The following EYA2 variants were observed in gnomAD, a reference collection of about 807,000 sequenced individuals.
EYA2 encodes protein phosphatase EYA2.
In EYA2, 31 loss-of-function variants were observed where a neutral mutation model predicts 69.2. The observed-to-expected ratio is 0.45, with a 90% confidence interval of 0.34 to 0.60. EYA2 has a LOEUF of 0.60. Ranked by LOEUF, EYA2 falls within the 20% of genes least tolerant of loss-of-function variation. The pLI is 0.02. For synonymous variants in EYA2, 257 were observed against 279.4 expected, an observed-to-expected ratio of 0.92 and a Z score of 0.80; for missense variants, 622 against 701.2, an observed-to-expected ratio of 0.89 and a Z score of 1.28.
rs567421999 is a variant in EYA2 at position 46,960,776 on chromosome 20, C to T, written c.-10-29225C>T. Among the ~76,000 whole-genome samples the T allele has an allele frequency of 3.9e-4, 60 of 152,328 alleles. No individual in the cohort carries two copies. The South Asian group carries it at 9.1e-3, about 23-fold the overall frequency. ...GACCCACAAAGCCTGAAATCTTCAC[C>T]GTCTGGCCGTTTACAGTAAATCTTT... On this transcript the variant is annotated intron_variant, in intron 1 of 15. Coordinates refer to ENST00000327619, the MANE Select transcript of EYA2 (RefSeq NM_005244.5).
At chr20:47,041,186 A>G (rs1359288897) in intron 5 of EYA2, among the ~76,000 whole-genome samples, 1 of 152,206 alleles carries the variant, frequency 6.6e-6, no homozygotes, top group Non-Finnish European at 1.5e-5. Context: ...TCTGTTCTCT[A>G]GTGTTTAAAG....
chr20:47,042,104 C>T lies in EYA2; in HGVS notation c.415+25807C>T, dbSNP rs561829664. On this transcript the variant is annotated intron_variant, in intron 5 of 15. Transcript: ENST00000327619. The stretch of plus-strand genomic sequence containing the variant: ...GAGTGTGAAAGATGTTCTCCTTAAC[C>T]CAGGAATAATTAATACTAATGTAAT... Among the ~76,000 whole-genome samples the T allele has an allele frequency of 5.9e-5, 9 of 152,198 alleles. No homozygotes were observed. In the East Asian group the frequency reaches 1.7e-3, roughly 29 times the overall value.
At chr20:47,131,118 G>GT (rs2033332251) in intron 9 of EYA2, among the ~76,000 whole-genome samples, 2 of 152,076 alleles carry the variant, frequency 1.3e-5, no homozygotes, top group African/African-American at 4.8e-5. Flanking sequence ...AATACTCTAT[G>GT]TTTACTTCTA....
At chr20:47,089,914 G>A (rs186883541) in intron 8 of EYA2, among the ~76,000 whole-genome samples, 20 of 152,214 alleles carry the variant, frequency 1.3e-4, no homozygotes, top group Admixed American at 8.5e-4. Flanking sequence ...CTAGGGGGGA[G>A]GAGGGGAGTT....
At chr20:47,167,618 G>A (rs1319526337) in intron 10 of EYA2, among the ~76,000 whole-genome samples, 1 of 151,824 alleles carries the variant, frequency 6.6e-6, no homozygotes, top group Non-Finnish European at 1.5e-5. Context: ...TTTTCTTTCA[G>A]TGGCCACTTG....
chr20:46,945,837 G>T (rs2146267992), intron 1 of EYA2, among the ~76,000 whole-genome samples: 1 of 152,326 alleles, frequency 6.6e-6, no homozygotes, highest in East Asian at 1.9e-4. Flanking sequence ...GCTCTTTGCT[G>T]CAGAAGGTGG....
At chr20:47,174,893 TGA>T (rs1368703752) in intron 12 of EYA2, among the ~76,000 whole-genome samples, 24 of 152,248 alleles carry the variant, frequency 1.6e-4, no homozygotes, top group African/African-American at 5.5e-4. Context: ...CTCTCAGATG[TGA>T]GTGTGTTGAT....
At position 47,150,291 on chromosome 20, in the gene EYA2, T is replaced by C. The variant is rs148281404; in HGVS notation, c.978+7143T>C. ...ACCATCATCTTTCTCTTGGACGTCA[T>C]CACGGCCTTCTCACTGTCCCCCTGC... On this transcript the variant is annotated intron_variant, in intron 10 of 15. Coordinates refer to ENST00000327619, the MANE Select transcript of EYA2 (RefSeq NM_005244.5). 2.3e-3 allele frequency among the ~76,000 whole-genome samples: 348 copies of C among 152,328 alleles called. 1 individual carries two copies. Among genetic ancestry groups the C allele is most frequent in the African/African-American group, 7.9e-3 (329 of 41,578 alleles).
At chr20:47,114,922 A>T (rs1429378061) in intron 9 of EYA2, among the ~76,000 whole-genome samples, 1 of 152,202 alleles carries the variant, frequency 6.6e-6, no homozygotes, top group Non-Finnish European at 1.5e-5. Context: ...TCTGCCATGA[A>T]TAAAAGCTCC....
chr20:46,903,699 T>C (rs918857271), intron 1 of EYA2, among the ~76,000 whole-genome samples: 4 of 152,096 alleles, frequency 2.6e-5, no homozygotes, highest in Non-Finnish European at 5.9e-5. Context: ...GGAGATTGAG[T>C]TAATAAACAT....
intron 1 of EYA2, among the ~76,000 whole-genome samples, chr20:46,941,847 C>G (rs1463361116): frequency 3.9e-5 from 6 of 151,908 alleles, no homozygotes; most frequent in Non-Finnish European, 5.9e-5. Flanking sequence ...TAGCCTCAAA[C>G]TCCTGGGCTC....
At chr20:47,032,494 A>C (rs373852737) in intron 5 of EYA2, among the ~76,000 whole-genome samples, 18 of 152,296 alleles carry the variant, frequency 1.2e-4, no homozygotes, top group African/African-American at 4.3e-4. Flanking sequence ...TCTTCTCACC[A>C]GTAGAAAATC....
rs1201324879 is a variant in EYA2, at chr20:47,135,818, C to CAA, written c.889-7219_889-7218dup. Among the ~76,000 whole-genome samples the CAA allele has an allele frequency of 2.4e-3, 81 of 33,172 alleles. 1 individual carries two copies. The highest frequency in any genetic ancestry group is 3.5e-3 in the Non-Finnish European group (64 of 18,060). The allele number at this position is 33,172 out of a possible 152,430, so 21.8% of individuals were successfully genotyped here. On this transcript the variant is annotated intron_variant, in intron 9 of 15. Coordinates refer to ENST00000327619, the MANE Select transcript of EYA2 (RefSeq NM_005244.5). ...GCAACATAAGGAGACCCTGTCTCTA[C>CAA]AAAAAAAAAAAAAAAAAAAAAAACA...
chr20:47,130,219 T>C (rs1264856373), intron 9 of EYA2, among the ~76,000 whole-genome samples: 1 of 149,418 alleles, frequency 6.7e-6, no homozygotes, highest in African/African-American at 2.5e-5. Context: ...TGTAGTATCC[T>C]AACTGTAACT....
chr20:47,172,759 C>T lies in EYA2; in HGVS notation c.1090C>T (p.Leu364=). ...CCACAGTTCGGCCCCAGGAGCCAAC[C>T]TGTGCCTGGGCTCTGGCGTGCACGG... ...GFHSSAPGAN[L]CLGSGVHGGV... Residue 364 remains leucine (L), a synonymous_variant, in exon 12 of 16, where the codon CTG becomes TTG. Transcript: ENST00000327619. 2 of 1,614,140 alleles carry T rather than the reference C, an allele frequency of 1.2e-6. No homozygotes were observed. The highest frequency in any genetic ancestry group is 2.2e-5 in the East Asian group (1 of 44,882).
intron 9 of EYA2, among the ~76,000 whole-genome samples, chr20:47,125,593 T>C (rs748126445): frequency 4.6e-5 from 7 of 152,256 alleles, no homozygotes; most frequent in Non-Finnish European, 1.0e-4. Context: ...CATTAAATTC[T>C]TTCTTTTAAT....
intron 9 of EYA2, among the ~76,000 whole-genome samples, chr20:47,132,238 A>G (rs2033359882): frequency 6.6e-6 from 1 of 152,160 alleles, no homozygotes; most frequent in Non-Finnish European, 1.5e-5. Context: ...GTGAGCCACC[A>G]TGCCCCCAGC....
chr20:47,046,561 C>T (rs2030047781), intron 5 of EYA2, among the ~76,000 whole-genome samples: 1 of 152,194 alleles, frequency 6.6e-6, no homozygotes, highest in South Asian at 2.1e-4. Flanking sequence ...TTGGTACAAA[C>T]ATCCAGTGAG....
At chr20:47,111,854 C>G (rs1026584930) in intron 9 of EYA2, among the ~76,000 whole-genome samples, 1 of 152,194 alleles carries the variant, frequency 6.6e-6, no homozygotes, top group Non-Finnish European at 1.5e-5. Context: ...AGCGTGAACT[C>G]TGACTAGTAG....
Sources: gnomAD v4.1 joint callset for allele counts (sites outside exome capture counted in the v4.1 genomes callset) on GRCh38, gnomAD v4.1.1 for gene constraint, MANE v1.5 for transcripts, NCBI Gene and HGNC (gene_info 2026-07-23, HGNC 2026-07-21) for gene names.